Variants in IMPA1 observed in about 807,000 individuals in gnomAD.
IMPA1 encodes D-galactose 1-phosphate phosphatase.
In IMPA1, 21 loss-of-function variants were observed where a neutral mutation model predicts 34.9. The ratio of observed to expected loss-of-function variants is 0.60; its 90% CI spans 0.43 to 0.87. The LOEUF (loss-of-function observed/expected upper bound fraction) is 0.87. Among genes scored for constraint, IMPA1 ranks in the 40% least tolerant of loss-of-function variants. The pLI is 0.00. For missense variants in IMPA1, 299 were observed against 336.4 expected (o/e 0.89, Z 0.87); for synonymous variants, 95 against 104.4 (o/e 0.91, Z 0.55).
At chr8:81,683,942 T>C (rs1807378953) in intron 1 of IMPA1, among the ~76,000 whole-genome samples, 1 of 152,100 alleles carries the variant, frequency 6.6e-6, no homozygotes, top group South Asian at 2.1e-4. Context: ...CTCCTGTATA[T>C]GGGGCAAGAC....
chr8:81,670,586 G>GA (rs886810333), intron 7 of IMPA1, among the ~76,000 whole-genome samples: 1 of 152,116 alleles, frequency 6.6e-6, no homozygotes, highest in African/African-American at 2.4e-5. Context: ...CAAATAATTT[G>GA]AAAACTTAAA....
At chr8:81,661,407 T>C (rs904815475) in intron 7 of IMPA1, among the ~76,000 whole-genome samples, 7 of 152,196 alleles carry the variant, frequency 4.6e-5, no homozygotes, top group Non-Finnish European at 1.5e-5. Flanking sequence ...TTAATATCAC[T>C]CATAATGGGA....
Position 81,659,425 on chromosome 8 carries a change from T to G in IMPA1, c.760A>C (p.Asn254His). ...DLMSRRVIAA[N>H]NRILAERIAK... ...ATCCTTTCTGCTAATATTCTATTAT[T>G]TGCAGCAATTACTCTTCGTGACATC... is the stretch of plus-strand genomic sequence containing the variant. Residue 254 changes from asparagine (N) to histidine (H), a missense_variant, in exon 9 of 9, where the codon AAT becomes CAT. By Grantham distance (68) the Asn-to-His change is moderately conservative. Coordinates refer to ENST00000256108, the MANE Select transcript of IMPA1 (RefSeq NM_005536.4). The G allele has an allele frequency of 6.2e-7, 1 of 1,611,932 alleles. No individual in the cohort carries two copies.
At chr8:81,674,154 A>T in intron 5 of IMPA1, 1 of 476,980 alleles carries the variant, frequency 2.1e-6, no homozygotes, top group East Asian at 3.3e-5. Flanking sequence ...CTCCCATCCA[A>T]GTCCAGATCT....
At chr8:81,667,749 C>T (rs956420723) in intron 7 of IMPA1, among the ~76,000 whole-genome samples, 7 of 151,582 alleles carry the variant, frequency 4.6e-5, no homozygotes, top group Middle Eastern at 3.2e-3. Flanking sequence ...AACAAGGTAT[C>T]GGATCCTGGA....
intron 5 of IMPA1, among the ~76,000 whole-genome samples, chr8:81,675,993 T>C (rs1191553259): frequency 1.3e-5 from 2 of 152,228 alleles, no homozygotes; most frequent in South Asian, 4.1e-4. Flanking sequence ...AAATACTGAG[T>C]TGTATTTCAG....
intron 7 of IMPA1, among the ~76,000 whole-genome samples, chr8:81,662,289 T>C (rs1007340545): frequency 9.9e-5 from 15 of 152,214 alleles, no homozygotes; most frequent in African/African-American, 3.6e-4. Flanking sequence ...TATCATAGAA[T>C]GCAAATACCA....
intron 1 of IMPA1, among the ~76,000 whole-genome samples, chr8:81,683,777 G>C (rs1185274735): frequency 8.9e-6 from 1 of 112,292 alleles, no homozygotes; most frequent in Admixed American, 8.0e-5. Flanking sequence ...CTGAGGTCCT[G>C]AGTCTGGATA....
At chr8:81,677,242 T>C (rs924026564) in intron 4 of IMPA1, among the ~76,000 whole-genome samples, 1 of 152,108 alleles carries the variant, frequency 6.6e-6, no homozygotes, top group Non-Finnish European at 1.5e-5. Flanking sequence ...ATTACAAGCA[T>C]GTGCCACCAT....
rs1311034808 is a variant in IMPA1, at chr8:81,684,732, G to A, written c.-25+1520C>T. Among the ~76,000 whole-genome samples, 5 of 142,356 alleles carry A rather than the reference G, an allele frequency of 3.5e-5. No individual in the cohort carries two copies. The East Asian group carries it at 1.1e-3, about 30-fold the overall frequency. The allele number at this position is 142,356 out of a possible 152,430, so 93.4% of individuals were successfully genotyped here. A position where few individuals can be genotyped will look rare whatever the true frequency, so the allele number is the denominator to read the frequency against. On this transcript the variant is annotated intron_variant, in intron 1 of 8. Coordinates refer to ENST00000256108, the MANE Select transcript of IMPA1 (RefSeq NM_005536.4). ...TAAGTATATTTAGATACTATGTGGA[G>A]TATATATACTACACATAAGTATATT...
intron 3 of IMPA1, among the ~76,000 whole-genome samples, chr8:81,679,898 A>T (rs1441581259): frequency 6.6e-6 from 1 of 152,008 alleles, no homozygotes; most frequent in Non-Finnish European, 1.5e-5. Flanking sequence ...ACACTTTGGG[A>T]GGCTGAGGCG....
chr8:81,668,336 G>A (rs1458081733), intron 7 of IMPA1, among the ~76,000 whole-genome samples: 2 of 152,208 alleles, frequency 1.3e-5, no homozygotes, highest in African/African-American at 4.8e-5. Flanking sequence ...TATAATGCCA[G>A]CATTTTGGGA....
chr8:81,665,603 A>C (rs1283435578), intron 7 of IMPA1, among the ~76,000 whole-genome samples: 2 of 152,156 alleles, frequency 1.3e-5, no homozygotes, highest in African/African-American at 2.4e-5. Flanking sequence ...CCCAGAAATT[A>C]AAAAGACATG....
chr8:81,670,957 A>C lies in IMPA1; in HGVS notation c.548T>G (p.Phe183Cys). ...AGCTTACCCATGAACAGGAATGCAA[A>C]AAAGCTTTTCCATATTAGAAAGAAC... ...RMVLSNMEKLFCIPVHGIRSV... is the reference protein window; with the variant it reads ...RMVLSNMEKLCCIPVHGIRSV... Residue 183 changes from phenylalanine (F) to cysteine (C), a missense_variant, in exon 7 of 9, where the codon TTT (phenylalanine) becomes TGT (cysteine). Transcript: ENST00000256108. The C allele has an allele frequency of 6.5e-7, 1 of 1,532,566 alleles. No homozygotes were observed. The highest frequency in any genetic ancestry group is 8.7e-7 in the Non-Finnish European group (1 of 1,146,186). 94.9% of individuals were successfully genotyped at this position (1,532,566 alleles called of 1,614,324 possible). A position where few individuals can be genotyped will look rare whatever the true frequency, so the allele number is the denominator to read the frequency against.
chr8:81,681,947 G>A (rs900765227), intron 1 of IMPA1, among the ~76,000 whole-genome samples: 2 of 152,032 alleles, frequency 1.3e-5, no homozygotes, highest in African/African-American at 2.4e-5. Flanking sequence ...AAAGAACACT[G>A]GGAATACTGA....
intron 7 of IMPA1, among the ~76,000 whole-genome samples, chr8:81,668,262 G>GT (rs1806891197): frequency 6.6e-6 from 1 of 152,168 alleles, no homozygotes; most frequent in African/African-American, 2.4e-5. Context: ...AAGCAAAGAA[G>GT]TAATTTAAAG....
chr8:81,686,150 G>A (rs1807519460), intron 1 of IMPA1, 102 bp downstream of exon 1: 1 of 882,818 alleles, frequency 1.1e-6, no homozygotes, highest in Non-Finnish European at 1.5e-6. Context: ...CGCCGACCGC[G>A]CACGGCGCTC....
chr8:81,664,883 A>G (rs1806775967), intron 7 of IMPA1, among the ~76,000 whole-genome samples: 1 of 147,626 alleles, frequency 6.8e-6, no homozygotes, highest in African/African-American at 2.5e-5. Context: ...CAAAAAAAAG[A>G]AAAAGGAAAA....
chr8:81,685,982 AT>A lies in IMPA1; in HGVS notation c.-25+269del, dbSNP rs1362230052. 4.1e-6 allele frequency: 6 copies of A among 1,460,628 alleles called. No homozygotes were observed. In the East Asian group the frequency reaches 1.7e-4, roughly 40 times the overall value. The allele number at this position is 1,460,628 out of a possible 1,614,324, so 90.5% of individuals were successfully genotyped here. ...CTAGGAGCTTTTCGGAGTTGGGGAC[AT>A]AAAAAGGGGCAATTATTCCACAGAA... On this transcript the variant is annotated intron_variant, in intron 1 of 8. Coordinates refer to ENST00000256108, the MANE Select transcript of IMPA1 (RefSeq NM_005536.4).
Sources: gnomAD v4.1 joint callset for allele counts (sites outside exome capture counted in the v4.1 genomes callset) on GRCh38, gnomAD v4.1.1 for gene constraint, MANE v1.5 for transcripts, NCBI Gene and HGNC (gene_info 2026-07-23, HGNC 2026-07-21) for gene names.